DYNC2H1: variants seen among roughly 807,000 people sequenced by gnomAD.
DYNC2H1 encodes cytoplasmic dynein 2 heavy chain 1.
A neutral mutation model predicts 570.0 loss-of-function variants in DYNC2H1; 410 were observed. The observed-to-expected ratio is 0.72, with a 90% CI of 0.66 to 0.78. The LOEUF (loss-of-function observed/expected upper bound fraction) is 0.78. Ranked by LOEUF, DYNC2H1 falls within the 30% of genes least tolerant of loss-of-function variation. DYNC2H1 has a pLI of 0.00. For missense variants in DYNC2H1, 4,865 were observed against 5,046.4 expected (o/e 0.96, Z 1.09); for synonymous variants, 1,688 against 1,677.6 (o/e 1.01, Z -0.15).
chr11:103,271,752 G>A (rs1865717225), intron 70 of DYNC2H1, among the ~76,000 whole-genome samples: 1 of 152,144 alleles, frequency 6.6e-6, no homozygotes, highest in African/African-American at 2.4e-5. Flanking sequence ...AAGATTTACA[G>A]CTAATAATCT....
chr11:103,135,167 G>A (rs929360351), intron 15 of DYNC2H1, among the ~76,000 whole-genome samples: 8 of 152,142 alleles, frequency 5.3e-5, no homozygotes, highest in African/African-American at 1.4e-4. Context: ...TTTGAAAAAG[G>A]ACCAAGAAGT....
chr11:103,187,301 G>A, intron 42 of DYNC2H1, 39 bp from the exon 43 acceptor site: 1 of 1,607,322 alleles, frequency 6.2e-7, no homozygotes, highest in South Asian at 1.1e-5. Context: ...TTTGTTGGTT[G>A]CATTTTTATC....
At chr11:103,376,888 G>C (rs912972205) in intron 83 of DYNC2H1, among the ~76,000 whole-genome samples, 6 of 152,138 alleles carry the variant, frequency 3.9e-5, no homozygotes, top group Non-Finnish European at 5.9e-5. Flanking sequence ...TTCATTTCTG[G>C]AGGATAGCTT....
rs2135468742 is a variant in DYNC2H1 at position 103,334,440 on chromosome 11, AT to A, written c.12039+10451del. Among the ~76,000 whole-genome samples the A allele has an allele frequency of 6.6e-6, 1 of 152,328 alleles. No homozygotes were observed. Among genetic ancestry groups the A allele is most frequent in the African/African-American group, 2.4e-5 (1 of 41,582 alleles). On this transcript the variant is annotated intron_variant, in intron 82 of 88. Transcript: ENST00000375735. This position sits in a 1 kb window ranked among gnomAD's most constrained non-coding sequence, Gnocchi z 4.3. ...AATTGGATAAATCAGTTTGCAAATT[AT>A]AAATATCAAATGTAAAATTTGGTTT...
At chr11:103,420,377 A>G (rs191269599) in intron 84 of DYNC2H1, among the ~76,000 whole-genome samples, 1 of 152,310 alleles carries the variant, frequency 6.6e-6, no homozygotes, top group East Asian at 1.9e-4. Context: ...AATGCAGAGA[A>G]CCCTAGTAAG....
At chr11:103,287,470 T>C (rs1191740114) in intron 74 of DYNC2H1, 63 bp from the exon 75 acceptor site, 4 of 1,236,058 alleles carry the variant, frequency 3.2e-6, no homozygotes, top group Non-Finnish European at 4.6e-6. Flanking sequence ...ACATTAATTA[T>C]TGTTTAGTTA....
chr11:103,215,069 C>G (rs1049296357), intron 54 of DYNC2H1, among the ~76,000 whole-genome samples: 1 of 151,994 alleles, frequency 6.6e-6, no homozygotes, highest in Non-Finnish European at 1.5e-5. Context: ...TTAGGTTTTT[C>G]TAGATATAAA....
At chr11:103,172,977 C>A in intron 34 of DYNC2H1, 105 bp from the exon 35 acceptor site, 1 of 541,288 alleles carries the variant, frequency 1.8e-6, no homozygotes, top group South Asian at 7.4e-5. Context: ...ATTCTGTTGG[C>A]AGCATATTTT....
intron 75 of DYNC2H1, among the ~76,000 whole-genome samples, chr11:103,290,118 T>G (rs904992850): frequency 6.6e-6 from 1 of 152,146 alleles, no homozygotes; most frequent in Admixed American, 6.5e-5. Flanking sequence ...TAATTCTATT[T>G]GCAATGGCCC....
intron 10 of DYNC2H1, among the ~76,000 whole-genome samples, chr11:103,122,218 A>G (rs752295128): frequency 1.3e-5 from 2 of 152,210 alleles, no homozygotes; most frequent in East Asian, 1.9e-4. Context: ...AATTGATTAT[A>G]GTCTGTGAGT....
At chr11:103,476,871 C>A in intron 88 of DYNC2H1, among the ~76,000 whole-genome samples, 1 of 152,284 alleles carries the variant, frequency 6.6e-6, no homozygotes, top group East Asian at 1.9e-4. Context: ...AATTATTTTA[C>A]TGCTATCATA....
At chr11:103,162,814 T>G (rs1002683293) in intron 29 of DYNC2H1, among the ~76,000 whole-genome samples, 3 of 152,208 alleles carry the variant, frequency 2.0e-5, no homozygotes, top group Non-Finnish European at 4.4e-5. Context: ...AAAAATTGTT[T>G]TATTCAAATT....
intron 77 of DYNC2H1, among the ~76,000 whole-genome samples, chr11:103,307,208 A>G (rs1353792039): frequency 6.6e-6 from 1 of 152,152 alleles, no homozygotes; most frequent in Non-Finnish European, 1.5e-5. Flanking sequence ...GAAGTTTTGA[A>G]TTTATATTAT....
intron 85 of DYNC2H1, among the ~76,000 whole-genome samples, chr11:103,453,561 AAATTAT>A (rs1944680881): frequency 1.3e-5 from 2 of 150,550 alleles, no homozygotes. Context: ...CCTTCTTGAC[AAATTAT>A]ATTATTCAAA....
chr11:103,121,356 G>A lies in DYNC2H1; in HGVS notation c.1361-16G>A, dbSNP rs1402236436. 3.8e-6 allele frequency: 6 copies of A among 1,577,386 alleles called. No homozygotes were observed. The highest frequency in any genetic ancestry group is 1.4e-5 in the African/African-American group (1 of 73,134). ...GCTAATTCTTTGTAATCATTTATTT[G>A]ATTTAAATTTTATAGATTTTCGATT... On this transcript the variant is annotated splice_polypyrimidine_tract_variant and intron_variant, in intron 9 of 88. Coordinates refer to ENST00000375735, the MANE Select transcript of DYNC2H1 (RefSeq NM_001377.3).
chr11:103,303,189 C>T lies in DYNC2H1; in HGVS notation c.11192C>T (p.Ala3731Val). The T allele has an allele frequency of 6.2e-7, 1 of 1,612,802 alleles. No homozygotes were observed. The highest frequency in any genetic ancestry group is 1.7e-4 in the Middle Eastern group (1 of 6,054). ...ATCTTGATAATTATTTCTCCGGGTGCTGATCCTTCTCAGGAACTTCAAGAA... is the reference window on the plus strand; with the variant it reads ...ATCTTGATAATTATTTCTCCGGGTGTTGATCCTTCTCAGGAACTTCAAGAA... ...EPILIIISPG[A>V]DPSQELQELA... Residue 3731 changes from alanine (A) to valine (V), a missense_variant, in exon 76 of 89, where the codon GCT becomes GTT. Ala to Val is a moderately conservative substitution (Grantham distance 64). Around this residue, in one of 5 missense-constraint regions of DYNC2H1, gnomAD observed 2,401 missense variants for 2,454.6 expected, o/e 0.98. Coordinates refer to ENST00000375735, the MANE Select transcript of DYNC2H1 (RefSeq NM_001377.3).
At chr11:103,450,521 C>T (rs1161167199) in intron 85 of DYNC2H1, among the ~76,000 whole-genome samples, 1 of 151,842 alleles carries the variant, frequency 6.6e-6, no homozygotes, top group Non-Finnish European at 1.5e-5. Flanking sequence ...AGTTAGAAAC[C>T]GGTAACAAAG....
chr11:103,399,497 C>T (rs1478495370), intron 83 of DYNC2H1, among the ~76,000 whole-genome samples, 166 bp from the exon 84 acceptor site: 1 of 151,868 alleles, frequency 6.6e-6, no homozygotes, highest in East Asian at 1.9e-4. Flanking sequence ...GAATTCCCTT[C>T]CTGTGTATTT....
At chr11:103,419,001 C>G (rs1217694810) in intron 84 of DYNC2H1, among the ~76,000 whole-genome samples, 2 of 152,128 alleles carry the variant, frequency 1.3e-5, no homozygotes, top group Non-Finnish European at 2.9e-5. Flanking sequence ...GTATATATCC[C>G]TAAAGAAGGG....
Sources: gnomAD v4.1 joint callset for allele counts (sites outside exome capture counted in the v4.1 genomes callset) on GRCh38, gnomAD v4.1.1 for gene constraint, gnomAD v4.1.1 regional missense constraint, Gnocchi (gnomAD v3.1) non-coding constraint, MANE v1.5 for transcripts, NCBI Gene and HGNC (gene_info 2026-07-23, HGNC 2026-07-21) for gene names.